SLC39A11: variants seen among roughly 807,000 people sequenced by gnomAD.
SLC39A11 encodes zinc transporter ZIP11.
Under a neutral mutation model 36.1 loss-of-function variants are expected in SLC39A11, and 33 were observed. The ratio of observed to expected loss-of-function variants is 0.91; its 90% confidence interval spans 0.69 to 1.22. The LOEUF (loss-of-function observed/expected upper bound fraction) is 1.22, where lower values mean the gene tolerates loss of function less well. SLC39A11 is among the 50% of genes most tolerant of loss of function. The probability of loss-of-function intolerance (pLI) is 0.00; values close to 1 mark genes in which losing one functional copy is unlikely to be tolerated. For missense variants in SLC39A11, 432 were observed against 430.3 expected, an observed-to-expected ratio of 1.00 and a Z score of -0.03; for synonymous variants, 166 against 170.3, an observed-to-expected ratio of 0.97 and a Z score of 0.20.
intron 4 of SLC39A11, among the ~76,000 whole-genome samples, chr17:72,960,062 G>C (rs1412589536): frequency 6.6e-6 from 1 of 152,164 alleles, no homozygotes; most frequent in Non-Finnish European, 1.5e-5. Context: ...TACTTATTTG[G>C]CCACATATAA....
At chr17:73,012,370 G>A (rs562191733) in intron 4 of SLC39A11, among the ~76,000 whole-genome samples, 51 of 152,226 alleles carry the variant, frequency 3.4e-4, no homozygotes, top group Admixed American at 1.4e-3. Flanking sequence ...TGATGTGATC[G>A]TTATACGTGA....
At chr17:72,739,916 G>T (rs1295755487) in intron 6 of SLC39A11, among the ~76,000 whole-genome samples, 1 of 151,900 alleles carries the variant, frequency 6.6e-6, no homozygotes, top group Non-Finnish European at 1.5e-5. Flanking sequence ...TAATATTGAC[G>T]TTACCAAGAA....
chr17:73,089,361 C>T (rs1225759292), intron 1 of SLC39A11, among the ~76,000 whole-genome samples: 1 of 152,198 alleles, frequency 6.6e-6, no homozygotes, highest in Non-Finnish European at 1.5e-5. Context: ...CCAACTCCAG[C>T]TCAACTGAAT....
At chr17:73,053,239 TTC>T (rs148000266) in intron 3 of SLC39A11, among the ~76,000 whole-genome samples, 24,920 of 82,442 alleles carry the variant, frequency 0.3, 2,233 homozygotes, top group South Asian at 0.35. Flanking sequence ...CCATTTGATT[TTC>T]TTTTTTTTTT....
chr17:72,696,681 A>C (rs4383191), intron 7 of SLC39A11, among the ~76,000 whole-genome samples: 69,209 of 152,118 alleles, frequency 0.45, 19,087 homozygotes, highest in South Asian at 0.65. Context: ...CCACCAGGGA[A>C]CTTCCAATGT....
chr17:72,941,667 C>A (rs1235140814), intron 5 of SLC39A11, among the ~76,000 whole-genome samples: 2 of 151,952 alleles, frequency 1.3e-5, no homozygotes, highest in Admixed American at 1.3e-4. Flanking sequence ...GCGTACCCAC[C>A]CTGATAATGT....
chr17:72,831,107 C>T (rs1331888350), intron 6 of SLC39A11, among the ~76,000 whole-genome samples: 3 of 151,590 alleles, frequency 2.0e-5, no homozygotes, highest in African/African-American at 7.3e-5. Context: ...AGACTGTTTG[C>T]ACCTGCAAAC....
intron 5 of SLC39A11, among the ~76,000 whole-genome samples, chr17:72,888,749 A>C (rs2081566114): frequency 6.6e-6 from 1 of 152,092 alleles, no homozygotes; most frequent in South Asian, 2.1e-4. Flanking sequence ...AAAAGATGAA[A>C]AAATTAGCCA....
At chr17:72,870,156 G>C (rs146201185) in intron 5 of SLC39A11, among the ~76,000 whole-genome samples, 1 of 152,024 alleles carries the variant, frequency 6.6e-6, no homozygotes, top group Non-Finnish European at 1.5e-5. Flanking sequence ...CTTAAGGTGA[G>C]TCTAATGTGC....
chr17:72,934,956 G>A (rs958143028), intron 5 of SLC39A11, among the ~76,000 whole-genome samples: 20 of 152,160 alleles, frequency 1.3e-4, no homozygotes, highest in African/African-American at 4.3e-4. Context: ...CGGCTTATCC[G>A]CTTTAGAAAA....
chr17:73,052,962 A>C (rs564344125), intron 3 of SLC39A11, among the ~76,000 whole-genome samples: 15 of 152,308 alleles, frequency 9.8e-5, no homozygotes, highest in Admixed American at 3.9e-4. Context: ...CAGCCTCCCA[A>C]AGTGCTGGGA....
At chr17:72,824,352 T>C (rs1306109944) in intron 6 of SLC39A11, among the ~76,000 whole-genome samples, 1 of 151,370 alleles carries the variant, frequency 6.6e-6, no homozygotes, top group African/African-American at 2.4e-5. Context: ...TCCCCAGCCA[T>C]GCTACCTGTA....
chr17:72,686,405 C>T (rs2071751285), intron 7 of SLC39A11, among the ~76,000 whole-genome samples: 1 of 152,198 alleles, frequency 6.6e-6, no homozygotes, highest in Admixed American at 6.5e-5. Flanking sequence ...TCAAACAGTG[C>T]CTGATTCGGG....
chr17:73,025,376 G>A (rs909563319), intron 4 of SLC39A11, among the ~76,000 whole-genome samples: 9 of 152,174 alleles, frequency 5.9e-5, no homozygotes, highest in South Asian at 2.1e-4. Flanking sequence ...ACCAAGCTGC[G>A]AAAAGCAAGC....
intron 4 of SLC39A11, among the ~76,000 whole-genome samples, chr17:73,002,475 T>C (rs1301684565): frequency 6.6e-6 from 1 of 152,166 alleles, no homozygotes; most frequent in Non-Finnish European, 1.5e-5. Context: ...TGTGCAAATG[T>C]TACTGTTCTA....
At chr17:72,746,747 T>C (rs533284249) in intron 6 of SLC39A11, among the ~76,000 whole-genome samples, 1 of 141,510 alleles carries the variant, frequency 7.1e-6, no homozygotes, top group South Asian at 2.3e-4. Context: ...CAAAATAAAA[T>C]AAAATAAAAT....
rs149504588 is a variant in SLC39A11 at position 72,995,252 on chromosome 17, T to C, written c.306+36304A>G. 4.1e-4 allele frequency among the ~76,000 whole-genome samples: 63 copies of C among 152,256 alleles called. No individual in the cohort carries two copies. The East Asian group carries it at 0.012, about 29-fold the overall frequency. ...GCTTGGCCATGTGATTTGCCTTTCA[T>C]CCAAATAGATGTGCAAGTGACTATG... On this transcript the variant is annotated intron_variant, in intron 4 of 9. Transcript: ENST00000255559.
chr17:73,060,327 G>A (rs560767456), intron 3 of SLC39A11, among the ~76,000 whole-genome samples: 4 of 150,762 alleles, frequency 2.7e-5, no homozygotes, highest in Admixed American at 6.6e-5. Context: ...TGAAGACTGC[G>A]TTCTACCAAA....
intron 3 of SLC39A11, among the ~76,000 whole-genome samples, chr17:73,079,065 C>T (rs1312647748): frequency 6.6e-6 from 1 of 151,982 alleles, no homozygotes; most frequent in Non-Finnish European, 1.5e-5. Context: ...TATCCTAAAG[C>T]AACTTATATT....
Sources: gnomAD v4.1 joint callset for allele counts (sites outside exome capture counted in the v4.1 genomes callset) on GRCh38, gnomAD v4.1.1 for gene constraint, MANE v1.5 for transcripts, NCBI Gene and HGNC (gene_info 2026-07-23, HGNC 2026-07-21) for gene names.